The following MGAT4D variants were observed in gnomAD, a reference collection of about 807,000 sequenced individuals.
MGAT4D encodes alpha-1,3-mannosyl-glycoprotein 4-beta-N-acetylglucosaminyltransferase-like protein MGAT4D.
MGAT4D carries 34 observed loss-of-function variants against 15.9 expected under a neutral mutation model. That is an observed-to-expected ratio of 2.14 (90% confidence interval 1.62 to 2.84). The LOEUF is 2.84. Among genes scored for constraint, MGAT4D ranks in the 30% most tolerant of loss-of-function variants. The probability of loss-of-function intolerance (pLI) is 0.00; values close to 1 mark genes in which losing one functional copy is unlikely to be tolerated. For missense variants in MGAT4D, 327 were observed against 140.2 expected, an observed-to-expected ratio of 2.33 and a Z score of -6.73; for synonymous variants, 112 against 48.2, an observed-to-expected ratio of 2.33 and a Z score of -5.49.
chr4:140,475,015 A>T, intron 3 of MGAT4D, 69 bp from the exon 4 acceptor site: 1 of 476,006 alleles, frequency 2.1e-6, no homozygotes, highest in East Asian at 3.3e-5. Context: ...CATTCATTCT[A>T]TGCTTATTCC....
intron 1 of MGAT4D, among the ~76,000 whole-genome samples, chr4:140,494,068 C>G (rs1442522516): frequency 6.6e-6 from 1 of 150,402 alleles, no homozygotes; most frequent in African/African-American, 2.5e-5. Context: ...AGGAAACACT[C>G]TCAAAGAAGA....
chr4:140,480,490 A>G (rs1225333049), intron 2 of MGAT4D, among the ~76,000 whole-genome samples: 1 of 152,162 alleles, frequency 6.6e-6, no homozygotes, highest in Non-Finnish European at 1.5e-5. Flanking sequence ...AAATTCACAA[A>G]TCAGACTTCA....
chr4:140,470,387 C>A (rs1039959484), intron 5 of MGAT4D, among the ~76,000 whole-genome samples: 1 of 152,230 alleles, frequency 6.6e-6, no homozygotes, highest in African/African-American at 2.4e-5. Context: ...ACTGCCTCAG[C>A]CACTAGAGCT....
At chr4:140,484,779 C>G (rs76706321) in intron 1 of MGAT4D, among the ~76,000 whole-genome samples, 24,493 of 152,120 alleles carry the variant, frequency 0.16, 2,321 homozygotes, top group East Asian at 0.41. Context: ...GACATTTATG[C>G]AGCCAACAGA....
chr4:140,462,243 T>G (rs1447601299), intron 6 of MGAT4D, among the ~76,000 whole-genome samples: 1 of 152,188 alleles, frequency 6.6e-6, no homozygotes, highest in Non-Finnish European at 1.5e-5. Context: ...CACAACCCAT[T>G]TGTTTTACAT....
chr4:140,488,720 C>A (rs1203595083), intron 1 of MGAT4D, among the ~76,000 whole-genome samples: 1 of 152,094 alleles, frequency 6.6e-6, no homozygotes, highest in Non-Finnish European at 1.5e-5. Flanking sequence ...CTATCCCCAC[C>A]AAATCTCATG....
Position 140,488,864 on chromosome 4 carries a change from T to A in MGAT4D, c.95-6379A>T, listed in dbSNP as rs147553904. Among the ~76,000 whole-genome samples the A allele has an allele frequency of 1.7e-3, 253 of 152,272 alleles. 1 individual carries two copies. Among genetic ancestry groups the A allele is most frequent in the African/African-American group, 5.9e-3 (246 of 41,556 alleles). On this transcript the variant is annotated intron_variant, in intron 1 of 10. Coordinates refer to ENST00000511113, the MANE Select transcript of MGAT4D (RefSeq NM_001277353.2). ...TGTGTGGCACCTCCCTGCCACTCTC[T>A]CTCACTCCTGCTTTTTCCATGTGAC...
chr4:140,452,189 A>G (rs186833301), intron 9 of MGAT4D, among the ~76,000 whole-genome samples: 8 of 152,090 alleles, frequency 5.3e-5, no homozygotes, highest in African/African-American at 1.9e-4. Flanking sequence ...AACAAAAACA[A>G]AACAAACAAT....
intron 10 of MGAT4D, among the ~76,000 whole-genome samples, chr4:140,451,188 T>C (rs571779582): frequency 1.6e-4 from 25 of 152,274 alleles, no homozygotes; most frequent in Middle Eastern, 3.4e-3. Context: ...CAAAATAGTT[T>C]ATGTAGGCTG....
In MGAT4D at chr4:140,474,812, C is replaced by T. The variant is rs539612934; in HGVS notation, c.525+1G>A. ...GAGAGCTCCTTATTTTGTATACGTA[C>T]ATCTGCAACCAAGACAATCACTACA... On this transcript the variant is annotated splice_donor_variant, in intron 4 of 10. Coordinates refer to ENST00000511113, the MANE Select transcript of MGAT4D (RefSeq NM_001277353.2). LOFTEE classifies it high-confidence loss of function. The T allele has an allele frequency of 1.5e-5, 10 of 671,520 alleles. No individual in the cohort carries two copies. The highest frequency in any genetic ancestry group is 1.4e-4 in the East Asian group (5 of 35,656). The allele number at this position is 671,520 out of a possible 1,614,324, so 41.6% of individuals were successfully genotyped here.
intron 1 of MGAT4D, among the ~76,000 whole-genome samples, chr4:140,493,287 C>CTTTTTTT (rs551838799): frequency 2.7e-5 from 3 of 112,516 alleles, no homozygotes; most frequent in Admixed American, 9.1e-5. Context: ...TGTTCCTTTA[C>CTTTTTTT]TTTTTTTTTT....
intron 10 of MGAT4D, among the ~76,000 whole-genome samples, chr4:140,448,087 T>C (rs1442910029): frequency 1.3e-5 from 2 of 152,236 alleles, no homozygotes; most frequent in Non-Finnish European, 1.5e-5. Context: ...GTTAGCCTGA[T>C]GGGGTTCCCT....
intron 9 of MGAT4D, among the ~76,000 whole-genome samples, chr4:140,452,010 A>T (rs1730503869): frequency 1.3e-5 from 2 of 150,896 alleles, no homozygotes; most frequent in Admixed American, 6.6e-5. Flanking sequence ...AAAAAAAAAA[A>T]AAGAAGGATG....
intron 1 of MGAT4D, among the ~76,000 whole-genome samples, chr4:140,490,484 G>C (rs1411240211): frequency 2.0e-5 from 3 of 152,132 alleles, no homozygotes; most frequent in African/African-American, 7.2e-5. Context: ...GCTAAAATTT[G>C]CCTCAACATA....
At chr4:140,473,849 C>G (rs890192724) in intron 4 of MGAT4D, among the ~76,000 whole-genome samples, 2 of 148,584 alleles carry the variant, frequency 1.3e-5, no homozygotes, top group African/African-American at 4.9e-5. Context: ...CAGGTGCACA[C>G]CATCATTTCT....
At chr4:140,467,647 A>G (rs1461275279) in intron 5 of MGAT4D, among the ~76,000 whole-genome samples, 1 of 152,140 alleles carries the variant, frequency 6.6e-6, no homozygotes, top group Non-Finnish European at 1.5e-5. Flanking sequence ...ATAGCTTGTT[A>G]GGTTATTTAT....
At chr4:140,470,919 C>T (rs1317515731) in intron 5 of MGAT4D, among the ~76,000 whole-genome samples, 3 of 150,430 alleles carry the variant, frequency 2.0e-5, no homozygotes, top group South Asian at 4.2e-4. Flanking sequence ...CAGTCTCCCT[C>T]TATCACTCAG....
intron 8 of MGAT4D, chr4:140,459,284 T>A (rs77740942): frequency 4.3e-6 from 1 of 230,538 alleles, no homozygotes; most frequent in Non-Finnish European, 8.3e-6. Context: ...CTATGACTTA[T>A]GTGTCTAAAT....
chr4:140,497,042 T>C (rs1345064852), intron 1 of MGAT4D, among the ~76,000 whole-genome samples: 1 of 152,114 alleles, frequency 6.6e-6, no homozygotes, highest in Non-Finnish European at 1.5e-5. Context: ...TTAATATGCA[T>C]TCCTAATCTT....
Sources: gnomAD v4.1 joint callset for allele counts (sites outside exome capture counted in the v4.1 genomes callset) on GRCh38, gnomAD v4.1.1 for gene constraint, MANE v1.5 for transcripts, NCBI Gene and HGNC (gene_info 2026-07-23, HGNC 2026-07-21) for gene names.